NKAPD1: variants seen among roughly 807,000 people sequenced by gnomAD.
NKAPD1 encodes the protein uncharacterized protein NKAPD1.
Under a neutral mutation model 30.9 loss-of-function variants are expected in NKAPD1, and 12 were observed. That is an observed-to-expected ratio of 0.39 (90% CI 0.25 to 0.63). The LOEUF is 0.63. Among genes scored for constraint, NKAPD1 ranks in the 20% least tolerant of loss-of-function variants. The probability of loss-of-function intolerance (pLI) is 0.51; values close to 1 mark genes in which losing one functional copy is unlikely to be tolerated. For missense variants in NKAPD1, 311 were observed against 344.5 expected (o/e 0.90, Z 0.77); for synonymous variants, 91 against 113.6 (o/e 0.80, Z 1.26).
At chr11:112,082,299 G>A (rs1865469998) in intron 5 of NKAPD1, 166 bp from the exon 6 acceptor site, 7 of 729,148 alleles carry the variant, frequency 9.6e-6, no homozygotes, top group African/African-American at 5.4e-5. Flanking sequence ...TTTTAAAGAT[G>A]AGGAAACAAA....
intron 2 of NKAPD1, among the ~76,000 whole-genome samples, chr11:112,077,646 G>A (rs951961650): frequency 1.3e-5 from 2 of 152,102 alleles, no homozygotes; most frequent in Non-Finnish European, 2.9e-5. Context: ...CAGCATAATT[G>A]CAAGATTGAT....
At chr11:112,078,358 T>C in intron 3 of NKAPD1, 43 bp downstream of exon 3, 1 of 1,432,408 alleles carries the variant, frequency 7.0e-7, no homozygotes, top group Non-Finnish European at 9.7e-7. Flanking sequence ...CTCATCTTTT[T>C]CAGAATCATC....
intron 2 of NKAPD1, among the ~76,000 whole-genome samples, chr11:112,077,635 G>A (rs1026197041): frequency 4.6e-5 from 7 of 152,012 alleles, no homozygotes; most frequent in African/African-American, 1.7e-4. Flanking sequence ...TTTGCTAATC[G>A]CAGCATAATT....
chr11:112,082,231 T>G, intron 5 of NKAPD1, 196 bp downstream of exon 5: 1 of 706,392 alleles, frequency 1.4e-6, no homozygotes, highest in Non-Finnish European at 2.3e-6. Flanking sequence ...CATTTTGGTT[T>G]TTATATATAG....
rs960641626 is a variant in NKAPD1, at chr11:112,084,559, T to C, written c.*1587T>C. 2 of 152,662 alleles carry C rather than the reference T, an allele frequency of 1.3e-5. No individual in the cohort carries two copies. The highest frequency in any genetic ancestry group is 6.5e-5 in the Admixed American group (1 of 15,278). 9.5% of individuals were successfully genotyped at this position (152,662 alleles called of 1,614,324 possible). A position where few individuals can be genotyped will look rare whatever the true frequency, so the allele number is the denominator to read the frequency against. ...AGTCTCTAATTACTACCTCTTAACC[T>C]AAAGCAATTATTTTGTTCCTGGAGC... On this transcript the variant is annotated 3_prime_UTR_variant, in exon 6 of 6. Transcript: ENST00000393047.
In NKAPD1 at chr11:112,082,786, T is replaced by A; in HGVS notation, c.696T>A (p.Asp232Glu). ...CAGAAAGTAACACTTCACATTCAGA[T>A]GATTCAGCATCCAGCAGTTCTGAGG... ...LEAESNTSHS[D>E]DSASSSSEES... The change falls in exon 6 of 6, where the codon GAT (aspartate) becomes GAA (glutamate). Residue 232 changes from aspartate to glutamate, a missense_variant. By Grantham distance (45) the Asp-to-Glu change is conservative. Coordinates refer to ENST00000393047, the MANE Select transcript of NKAPD1 (RefSeq NM_018195.4). 6.2e-7 allele frequency: 1 copy of A among 1,613,716 alleles called. No homozygotes were observed. Among genetic ancestry groups the A allele is most frequent in the Non-Finnish European group, 8.5e-7 (1 of 1,179,966 alleles).
Position 112,082,682 on chromosome 11 carries a change from A to G in NKAPD1, c.592A>G (p.Arg198Gly), listed in dbSNP as rs774573854. ...FSEETGASGTRKGKQPHKRKK... is the reference protein window; with the variant it reads ...FSEETGASGTGKGKQPHKRKK... Reference sequence around the variant, plus strand: ...AGAAGAAACTGGGGCTTCTGGTACAAGGAAAGGGAAACAACCACATAAACG... The same window carrying G: ...AGAAGAAACTGGGGCTTCTGGTACAGGGAAAGGGAAACAACCACATAAACG... Residue 198 changes from arginine to glycine, a missense_variant, in exon 6 of 6, where the codon AGG (arginine) becomes GGG (glycine). Coordinates refer to ENST00000393047, the MANE Select transcript of NKAPD1 (RefSeq NM_018195.4). The G allele has an allele frequency of 6.2e-7, 1 of 1,614,138 alleles. No homozygotes were observed. The highest frequency in any genetic ancestry group is 8.5e-7 in the Non-Finnish European group (1 of 1,180,032).
chr11:112,080,657 A>G, intron 4 of NKAPD1, 99 bp downstream of exon 4: 2 of 1,382,584 alleles, frequency 1.4e-6, no homozygotes, highest in Non-Finnish European at 2.0e-6. Context: ...AAAAGTTCAT[A>G]CCAGCATTAT....
chr11:112,083,004 T>A lies in NKAPD1; in HGVS notation c.*32T>A. ...AACACTTTTGTTTTCCACATGACTG[T>A]GGATATTTACAGTTCTTACTCCTTG... On this transcript the variant is annotated 3_prime_UTR_variant, in exon 6 of 6. Coordinates refer to ENST00000393047, the MANE Select transcript of NKAPD1 (RefSeq NM_018195.4). The A allele has an allele frequency of 6.4e-7, 1 of 1,561,712 alleles. No individual in the cohort carries two copies. The highest frequency in any genetic ancestry group is 8.6e-7 in the Non-Finnish European group (1 of 1,161,384).
At chr11:112,081,343 T>A (rs1865448555) in intron 4 of NKAPD1, 3 of 136,166 alleles carry the variant, frequency 2.2e-5, no homozygotes, top group Admixed American at 7.5e-5. Context: ...AAGAAAAAAA[T>A]AATAATAAGG....
At chr11:112,076,379 GAGAT>G (rs988840109) in intron 2 of NKAPD1, among the ~76,000 whole-genome samples, 3 of 152,124 alleles carry the variant, frequency 2.0e-5, no homozygotes, top group African/African-American at 7.2e-5. Flanking sequence ...AGGAATTTAG[GAGAT>G]AGAATCCAAA....
At position 112,084,855 on chromosome 11, in the gene NKAPD1, A is replaced by C. The variant is rs1487897530; in HGVS notation, c.*1883A>C. ...TTTCTTGGTCATGTATAAGCAATAA[A>C]GCTGTTTTTTGTTCTTCATCTTTCT... On this transcript the variant is annotated 3_prime_UTR_variant, in exon 6 of 6. Transcript: ENST00000393047. The C allele has an allele frequency of 6.7e-6, 1 of 148,566 alleles. No homozygotes were observed. Among genetic ancestry groups the C allele is most frequent in the Admixed American group, 6.9e-5 (1 of 14,392 alleles). 9.2% of individuals were successfully genotyped at this position (148,566 alleles called of 1,614,324 possible).
rs1177779786 is a variant in NKAPD1 at position 112,085,010 on chromosome 11, TG to T, written c.*2039del. On this transcript the variant is annotated 3_prime_UTR_variant, in exon 6 of 6. Coordinates refer to ENST00000393047, the MANE Select transcript of NKAPD1 (RefSeq NM_018195.4). Reference sequence around the variant, plus strand: ...CTGGCCATGGAACATTTATTTCTAGTGTTCCTGCCAATCAGAGATCTCTATA... The same window carrying T: ...CTGGCCATGGAACATTTATTTCTAGTTTCCTGCCAATCAGAGATCTCTATA... 1 of 255,846 alleles carries T rather than the reference TG, an allele frequency of 3.9e-6. No homozygotes were observed. Among genetic ancestry groups the T allele is most frequent in the Non-Finnish European group, 7.4e-6 (1 of 134,524 alleles). The allele number at this position is 255,846 out of a possible 1,614,324, so 15.8% of individuals were successfully genotyped here. A position where few individuals can be genotyped will look rare whatever the true frequency, so the allele number is the denominator to read the frequency against.
intron 1 of NKAPD1, 38 bp from the exon 2 acceptor site, chr11:112,075,529 G>T (rs1298765771): frequency 3.4e-6 from 5 of 1,466,840 alleles, no homozygotes; most frequent in Non-Finnish European, 4.7e-6. Flanking sequence ...AGTAATAACA[G>T]AAATTATTAC....
At chr11:112,076,337 G>T (rs1035646309) in intron 2 of NKAPD1, among the ~76,000 whole-genome samples, 1 of 152,022 alleles carries the variant, frequency 6.6e-6, no homozygotes, top group South Asian at 2.1e-4. Context: ...ATGAGGGTTC[G>T]CATGAAATTA....
intron 3 of NKAPD1, among the ~76,000 whole-genome samples, chr11:112,078,632 G>C (rs908667856): frequency 7.9e-5 from 12 of 152,186 alleles, no homozygotes; most frequent in South Asian, 4.1e-4. Context: ...TCACTAAGCT[G>C]ATCAGTCATT....
At chr11:112,081,864 A>G in intron 4 of NKAPD1, 118 bp from the exon 5 acceptor site, 1 of 774,448 alleles carries the variant, frequency 1.3e-6, no homozygotes. Flanking sequence ...GTTCTACCAT[A>G]TCTCTACTTT....
chr11:112,074,365 G>A lies in NKAPD1; in HGVS notation c.-560G>A. 1 of 399,180 alleles carries A rather than the reference G, an allele frequency of 2.5e-6. No individual in the cohort carries two copies. The highest frequency in any genetic ancestry group is 4.4e-6 in the Non-Finnish European group (1 of 226,158). The allele number at this position is 399,180 out of a possible 1,614,324, so 24.7% of individuals were successfully genotyped here. ...CGCGAGGCTGCGGCGCACGGTATGG[G>A]TGTGTTTGTGTGTATTTGTGTGGGG... is the stretch of plus-strand genomic sequence containing the variant. On this transcript the variant is annotated 5_prime_UTR_variant, in exon 1 of 6. In the 5' UTR this introduces an upstream ATG that the reference lacks. Transcript: ENST00000393047.
rs758968021 is a variant in NKAPD1 at position 112,074,921 on chromosome 11, G to A, written c.-9+5G>A. 11 of 163,568 alleles carry A rather than the reference G, an allele frequency of 6.7e-5. No individual in the cohort carries two copies. Among genetic ancestry groups the A allele is most frequent in the Admixed American group, 1.3e-4 (2 of 15,590 alleles). The allele number at this position is 163,568 out of a possible 1,614,324, so 10.1% of individuals were successfully genotyped here. On this transcript the variant is annotated splice_donor_5th_base_variant and intron_variant, in intron 1 of 5. Coordinates refer to ENST00000393047, the MANE Select transcript of NKAPD1 (RefSeq NM_018195.4). ...TGATTTCCTCAGGATCAAGGGGTGA[G>A]TGAGCGTTGGGGTGGTTGCACAAAG...
Sources: gnomAD v4.1 joint callset for allele counts (sites outside exome capture counted in the v4.1 genomes callset) on GRCh38, gnomAD v4.1.1 for gene constraint, MANE v1.5 for transcripts, NCBI Gene and HGNC (gene_info 2026-07-23, HGNC 2026-07-21) for gene names.